Variants in C9orf85 observed in about 807,000 individuals in gnomAD.
C9orf85 encodes chromosome 9 open reading frame 85.
C9orf85 carries 16 observed loss-of-function variants against 14.9 expected under a neutral mutation model. The observed-to-expected ratio is 1.08, with a 90% CI of 0.73 to 1.63. The LOEUF (loss-of-function observed/expected upper bound fraction) is 1.63, where lower values mean the gene tolerates loss of function less well. C9orf85 is among the 40% of genes most tolerant of loss of function. The pLI is 0.00. For missense variants in C9orf85, 172 were observed against 186.1 expected (o/e 0.92, Z 0.44); for synonymous variants, 45 against 56.8 (o/e 0.79, Z 0.93).
In C9orf85 at chr9:71,972,022, A is replaced by T. The variant is rs146341443; in HGVS notation, c.323+404A>T. Among the ~76,000 whole-genome samples the T allele has an allele frequency of 3.6e-3, 542 of 151,564 alleles. 3 individuals carry two copies. The highest frequency in any genetic ancestry group is 0.012 in the African/African-American group (505 of 41,384). On this transcript the variant is annotated intron_variant, in intron 3 of 3. Transcript: ENST00000334731. ...AGATGATCCGTGATCCATAACCCTT[A>T]GACTTAAGTTGTATGTCAAACTAAT...
intron 1 of C9orf85, among the ~76,000 whole-genome samples, chr9:71,922,001 C>T (rs910529201): frequency 7.9e-5 from 12 of 151,414 alleles, no homozygotes; most frequent in Non-Finnish European, 1.3e-4. Flanking sequence ...AGTGTAGTGG[C>T]GCAATCTTGG....
At position 71,955,796 on chromosome 9, in the gene C9orf85, C is replaced by T. The variant is rs191403586; in HGVS notation, c.209+8684C>T. Among the ~76,000 whole-genome samples the T allele has an allele frequency of 9.8e-5, 15 of 152,288 alleles. No homozygotes were observed. In the East Asian group the frequency reaches 2.9e-3, roughly 29 times the overall value. ...TCTCAGTGCTTAGAAACTGAGCATACCACTCACTAGGAGGTACCTGAGGAA... is the reference window on the plus strand; with the variant it reads ...TCTCAGTGCTTAGAAACTGAGCATATCACTCACTAGGAGGTACCTGAGGAA... On this transcript the variant is annotated intron_variant, in intron 2 of 3. Coordinates refer to ENST00000334731, the MANE Select transcript of C9orf85 (RefSeq NM_182505.5).
chr9:71,965,853 G>A (rs1822676578), intron 2 of C9orf85, among the ~76,000 whole-genome samples: 1 of 152,140 alleles, frequency 6.6e-6, no homozygotes, highest in African/African-American at 2.4e-5. Context: ...TATATGTATG[G>A]TCAGAATTGT....
intron 1 of C9orf85, chr9:71,918,677 T>C: frequency 3.6e-6 from 1 of 274,450 alleles, no homozygotes; most frequent in South Asian, 3.1e-5. Flanking sequence ...TGAACCCTAT[T>C]GTGAACTGCA....
intron 3 of C9orf85, among the ~76,000 whole-genome samples, chr9:71,980,784 A>G (rs919766805): frequency 2.0e-5 from 3 of 152,184 alleles, no homozygotes; most frequent in Non-Finnish European, 4.4e-5. Context: ...AGTTTCTCCT[A>G]TGTTTCTCGT....
At chr9:71,970,951 C>T (rs571193479) in intron 2 of C9orf85, among the ~76,000 whole-genome samples, 30 of 151,940 alleles carry the variant, frequency 2.0e-4, no homozygotes, top group Non-Finnish European at 3.8e-4. Flanking sequence ...GATGGGGTTT[C>T]ACCATGTTGG....
chr9:71,947,043 G>C lies in C9orf85; in HGVS notation c.140G>C (p.Arg47Pro). The C allele has an allele frequency of 6.2e-7, 1 of 1,613,216 alleles. No homozygotes were observed. Among genetic ancestry groups the C allele is most frequent in the East Asian group, 2.2e-5 (1 of 44,796 alleles). ...NAKLHDGVCQRCKEVLEWRVK... is the reference protein window; with the variant it reads ...NAKLHDGVCQPCKEVLEWRVK... ...AAACTTCATGATGGAGTATGTCAGC[G>C]CTGTAAAGAAGTTCTTGAGTGGCGT... The change falls in exon 2 of 4, where the codon CGC becomes CCC. Residue 47 changes from arginine to proline, a missense_variant. By Grantham distance (103) the Arg-to-Pro change is moderately radical. Coordinates refer to ENST00000334731, the MANE Select transcript of C9orf85 (RefSeq NM_182505.5).
intron 1 of C9orf85, among the ~76,000 whole-genome samples, chr9:71,935,990 T>A (rs1237153615): frequency 6.6e-6 from 1 of 151,816 alleles, no homozygotes; most frequent in Non-Finnish European, 1.5e-5. Context: ...GAGAGGCCAC[T>A]TCAGTAATAC....
At chr9:71,917,624 T>TA (rs887077920) in intron 1 of C9orf85, among the ~76,000 whole-genome samples, 10 of 151,892 alleles carry the variant, frequency 6.6e-5, no homozygotes, top group Non-Finnish European at 1.0e-4. Flanking sequence ...TCTGCTATTT[T>TA]AAAAAAAAGA....
rs369200667 is a variant in C9orf85 at position 71,914,263 on chromosome 9, C to G, written c.102+2427C>G. On this transcript the variant is annotated intron_variant, in intron 1 of 3. Transcript: ENST00000334731. ...AGCTTGTCCAACACATGGTGCAGGG[C>G]GTCTTTGAATGCAACCCAACACAAA... 3.9e-4 allele frequency among the ~76,000 whole-genome samples: 60 copies of G among 152,174 alleles called. 2 individuals carry two copies. The highest frequency in any genetic ancestry group is 1.4e-3 in the African/African-American group (57 of 41,510).
At chr9:71,943,403 G>A (rs933249801) in intron 1 of C9orf85, among the ~76,000 whole-genome samples, 2 of 151,984 alleles carry the variant, frequency 1.3e-5, no homozygotes, top group Non-Finnish European at 2.9e-5. Flanking sequence ...TTCAACTACC[G>A]TAGTATCTTC....
At position 71,968,395 on chromosome 9, in the gene C9orf85, A is replaced by G. The variant is rs556510694; in HGVS notation, c.210-3110A>G. 1.3e-4 allele frequency among the ~76,000 whole-genome samples: 19 copies of G among 151,694 alleles called. 1 individual carries two copies. The South Asian group carries it at 1.9e-3, about 15-fold the overall frequency. ...AATATTTGATAGAATTTACCAGTAA[A>G]GCCATTTGGGCCTGGAGTTTTCCTT... On this transcript the variant is annotated intron_variant, in intron 2 of 3. Coordinates refer to ENST00000334731, the MANE Select transcript of C9orf85 (RefSeq NM_182505.5).
intron 2 of C9orf85, among the ~76,000 whole-genome samples, chr9:71,950,538 A>G (rs2132315723): frequency 6.6e-6 from 1 of 152,092 alleles, no homozygotes; most frequent in East Asian, 1.9e-4. Context: ...TGCCCGGCTA[A>G]TTTTTGTATT....
chr9:71,935,362 G>T (rs948180413), intron 1 of C9orf85, among the ~76,000 whole-genome samples: 3 of 152,084 alleles, frequency 2.0e-5, no homozygotes, highest in African/African-American at 4.8e-5. Flanking sequence ...AGCAACTGAA[G>T]TATCCATCTA....
At chr9:71,958,603 G>A (rs547172855) in intron 2 of C9orf85, among the ~76,000 whole-genome samples, 13 of 152,198 alleles carry the variant, frequency 8.5e-5, no homozygotes, top group Admixed American at 3.3e-4. Context: ...TTTCTTTGAT[G>A]TATTTTGAAA....
chr9:71,912,130 C>T (rs1827518340), intron 1 of C9orf85, among the ~76,000 whole-genome samples: 1 of 152,104 alleles, frequency 6.6e-6, no homozygotes, highest in Non-Finnish European at 1.5e-5. Flanking sequence ...TCAGCGTTCC[C>T]ATCTGGATCA....
At chr9:71,917,714 A>G (rs1827686256) in intron 1 of C9orf85, among the ~76,000 whole-genome samples, 1 of 152,228 alleles carries the variant, frequency 6.6e-6, no homozygotes, top group Non-Finnish European at 1.5e-5. Context: ...AGAGCATACT[A>G]TGTGATTCCA....
At chr9:71,958,953 A>G (rs148873541) in intron 2 of C9orf85, among the ~76,000 whole-genome samples, 1 of 152,184 alleles carries the variant, frequency 6.6e-6, no homozygotes, top group South Asian at 2.1e-4. Flanking sequence ...GTGTATGCAC[A>G]TTAAGTAAAT....
chr9:71,918,196 A>G (rs1380103037), intron 1 of C9orf85, among the ~76,000 whole-genome samples: 1 of 152,128 alleles, frequency 6.6e-6, no homozygotes, highest in African/African-American at 2.4e-5. Context: ...ATTACAGGCA[A>G]AGGACTGATG....
Sources: gnomAD v4.1 joint callset for allele counts (sites outside exome capture counted in the v4.1 genomes callset) on GRCh38, gnomAD v4.1.1 for gene constraint, MANE v1.5 for transcripts, NCBI Gene and HGNC (gene_info 2026-07-23, HGNC 2026-07-21) for gene names.